Variants in MAML2 observed in about 807,000 individuals in gnomAD.
The protein encoded by MAML2 is mastermind-like protein 2.
In MAML2, 22 loss-of-function variants were observed where a neutral mutation model predicts 96.1. The ratio of observed to expected loss-of-function variants is 0.23; its 90% CI spans 0.16 to 0.33. The LOEUF (loss-of-function observed/expected upper bound fraction) is 0.33. Ranked by LOEUF, MAML2 falls within the 10% of genes least tolerant of loss-of-function variation. The pLI is 1.00. For synonymous variants in MAML2, 561 were observed against 521.3 expected (o/e 1.08, Z -1.04); for missense variants, 1,367 against 1,392.4 (o/e 0.98, Z 0.29).
intron 2 of MAML2, among the ~76,000 whole-genome samples, chr11:96,040,550 T>C (rs902213253): frequency 1.3e-5 from 2 of 152,286 alleles, no homozygotes; most frequent in African/African-American, 4.8e-5. Flanking sequence ...GTGGATCACC[T>C]GAGGTCAGGA....
intron 1 of MAML2, among the ~76,000 whole-genome samples, chr11:96,259,402 C>G (rs1591101028): frequency 6.6e-6 from 1 of 152,328 alleles, no homozygotes; most frequent in South Asian, 2.1e-4. Flanking sequence ...ATGTGCTTCG[C>G]TCCAATGCTT....
chr11:96,192,757 G>A (rs373277677), intron 1 of MAML2, among the ~76,000 whole-genome samples: 2 of 152,132 alleles, frequency 1.3e-5, no homozygotes, highest in Admixed American at 6.5e-5. Flanking sequence ...AGGGCAGGCC[G>A]GTTATCTATA....
At chr11:96,055,377 T>C (rs1028224484) in intron 2 of MAML2, among the ~76,000 whole-genome samples, 1 of 152,086 alleles carries the variant, frequency 6.6e-6, no homozygotes, top group Non-Finnish European at 1.5e-5. Flanking sequence ...ATGGCAGATT[T>C]AGACAAGCAA....
At chr11:96,112,358 T>G (rs1452927905) in intron 1 of MAML2, among the ~76,000 whole-genome samples, 2 of 152,242 alleles carry the variant, frequency 1.3e-5, no homozygotes, top group African/African-American at 2.4e-5. Flanking sequence ...AAGCATGACC[T>G]GGGGCAGTGT....
intron 1 of MAML2, among the ~76,000 whole-genome samples, chr11:96,261,488 A>G (rs556900483): frequency 1.3e-5 from 2 of 152,256 alleles, no homozygotes; most frequent in South Asian, 4.1e-4. Flanking sequence ...TTCTATAGCT[A>G]TAACCGTAGA....
chr11:96,117,690 A>G (rs1165093622), intron 1 of MAML2, among the ~76,000 whole-genome samples: 2 of 152,174 alleles, frequency 1.3e-5, no homozygotes, highest in South Asian at 2.1e-4. Context: ...CCTTGACAAT[A>G]TACAATCTTC....
rs540728808 is a variant in MAML2, at chr11:95,977,469, T to C, written c.*1479A>G. ...TTCTTTGAACAGATATTGAAAGACT[T>C]GATTATTAAATAACTTCAGCTAAAT... On this transcript the variant is annotated 3_prime_UTR_variant, in exon 5 of 5. Coordinates refer to ENST00000524717, the MANE Select transcript of MAML2 (RefSeq NM_032427.4). 5.2e-6 allele frequency: 1 copy of C among 192,578 alleles called. No homozygotes were observed. The highest frequency in any genetic ancestry group is 8.2e-5 in the East Asian group (1 of 12,140). The allele number at this position is 192,578 out of a possible 1,614,324, so 11.9% of individuals were successfully genotyped here. A position where few individuals can be genotyped will look rare whatever the true frequency, so the allele number is the denominator to read the frequency against.
At chr11:96,301,717 A>C (rs1033508358) in intron 1 of MAML2, among the ~76,000 whole-genome samples, 2 of 152,274 alleles carry the variant, frequency 1.3e-5, no homozygotes, top group Non-Finnish European at 2.9e-5. Flanking sequence ...GCATATTAAT[A>C]AATCCAAAGG....
chr11:96,249,703 C>T (rs562868971), intron 1 of MAML2, among the ~76,000 whole-genome samples: 1 of 152,112 alleles, frequency 6.6e-6, no homozygotes, highest in South Asian at 2.1e-4. Context: ...CTTTTCCCCA[C>T]TTTTACTGCT....
At chr11:96,170,119 C>A (rs1226808051) in intron 1 of MAML2, among the ~76,000 whole-genome samples, 1 of 152,210 alleles carries the variant, frequency 6.6e-6, no homozygotes, top group Non-Finnish European at 1.5e-5. Context: ...GGTCCCTTTC[C>A]ACTGGTTCAG....
At chr11:95,991,351 T>A (rs75668846) in intron 3 of MAML2, among the ~76,000 whole-genome samples, 169 bp downstream of exon 3, 1 of 410 alleles carries the variant, frequency 2.4e-3, no homozygotes, top group Admixed American at 0.025. Flanking sequence ...CAAGTTTGGG[T>A]TTTTTTTTCT....
chr11:96,339,203 G>A (rs924849161), intron 1 of MAML2, among the ~76,000 whole-genome samples: 3 of 152,220 alleles, frequency 2.0e-5, no homozygotes, highest in Admixed American at 2.0e-4. Flanking sequence ...GAGATGGCTG[G>A]TGGTTAGAAG....
chr11:96,183,400 C>A lies in MAML2; in HGVS notation c.514-89883G>T, dbSNP rs576879284. ...CTTCCCTTCCTCCGTTCCTCCCCCC[C>A]CCCCCTTTCTTTTGAGACAAGGGTT... On this transcript the variant is annotated intron_variant, in intron 1 of 4. Transcript: ENST00000524717. Among the ~76,000 whole-genome samples the A allele has an allele frequency of 3.2e-4, 20 of 62,126 alleles. 1 individual carries two copies. The highest frequency in any genetic ancestry group is 1.4e-3 in the Admixed American group (7 of 5,042). 40.8% of individuals were successfully genotyped at this position (62,126 alleles called of 152,430 possible).
chr11:96,170,235 C>T (rs1162016237), intron 1 of MAML2, among the ~76,000 whole-genome samples: 9 of 152,170 alleles, frequency 5.9e-5, no homozygotes, highest in Admixed American at 3.9e-4. Context: ...CAAGGGAATC[C>T]CAGCCTTTTA....
At position 96,263,215 on chromosome 11, in the gene MAML2, T is replaced by TC. The variant is rs140179917; in HGVS notation, c.513+78167dup. On this transcript the variant is annotated intron_variant, in intron 1 of 4. Coordinates refer to ENST00000524717, the MANE Select transcript of MAML2 (RefSeq NM_032427.4). The stretch of plus-strand genomic sequence containing the variant: ...TTTTATTACAAACTAGTCAAAATAT[T>TC]CCCCAAAATGTCATGTCCAATTCAG... 8.8e-3 allele frequency among the ~76,000 whole-genome samples: 1,346 copies of TC among 152,304 alleles called. 27 individuals carry two copies. Among genetic ancestry groups the TC allele is most frequent in the African/African-American group, 0.031 (1,276 of 41,556 alleles).
At chr11:96,062,065 T>C (rs1403784922) in intron 2 of MAML2, among the ~76,000 whole-genome samples, 1 of 152,228 alleles carries the variant, frequency 6.6e-6, no homozygotes. Context: ...ATTTTAATCA[T>C]CTTAAAACAT....
At chr11:96,097,850 A>G (rs550477221) in intron 1 of MAML2, among the ~76,000 whole-genome samples, 9 of 151,258 alleles carry the variant, frequency 6.0e-5, no homozygotes, top group African/African-American at 2.2e-4. Flanking sequence ...TGGCTCTCTG[A>G]GGCTTGTGCT....
chr11:96,292,240 T>C (rs1490949659), intron 1 of MAML2, among the ~76,000 whole-genome samples: 3 of 152,158 alleles, frequency 2.0e-5, no homozygotes, highest in Admixed American at 2.0e-4. Flanking sequence ...AAAATTGGCT[T>C]TATCACAGAA....
At chr11:96,215,275 T>C (rs543194030) in intron 1 of MAML2, among the ~76,000 whole-genome samples, 1 of 152,328 alleles carries the variant, frequency 6.6e-6, no homozygotes, top group African/African-American at 2.4e-5. Flanking sequence ...GGCAGGTTGC[T>C]GGGTTCACAG....
Sources: allele counts gnomAD v4.1 joint callset (sites outside exome capture counted in the v4.1 genomes callset), GRCh38; gene constraint gnomAD v4.1.1; transcripts MANE v1.5; gene names NCBI Gene and HGNC (gene_info 2026-07-23, HGNC 2026-07-21).